Variants in ADAMTS17 observed in about 807,000 individuals in gnomAD.
ADAMTS17 encodes ADAM metallopeptidase with thrombospondin type 1 motif 17, also known as A disintegrin and metalloproteinase with thrombospondin motifs 17.
ADAMTS17 carries 113 observed loss-of-function variants against 141.5 expected under a neutral mutation model. The observed-to-expected ratio is 0.80, with a 90% CI of 0.69 to 0.93. ADAMTS17 has a LOEUF of 0.93. ADAMTS17 is among the 40% of genes least tolerant of loss of function. The pLI, the probability that ADAMTS17 is intolerant of heterozygous loss-of-function variation, is 0.00. For missense variants in ADAMTS17, 1,659 were observed against 1,517.9 expected (o/e 1.09, Z -1.54); for synonymous variants, 768 against 630.6 (o/e 1.22, Z -3.27).
At chr15:100,294,177 C>T (rs2044732857) in intron 3 of ADAMTS17, among the ~76,000 whole-genome samples, 2 of 152,216 alleles carry the variant, frequency 1.3e-5, no homozygotes, top group African/African-American at 2.4e-5. Flanking sequence ...ATCTGCATGG[C>T]ACTGTCATTA....
At chr15:100,035,903 T>C (rs2030658613) in intron 18 of ADAMTS17, among the ~76,000 whole-genome samples, 1 of 152,168 alleles carries the variant, frequency 6.6e-6, no homozygotes, top group South Asian at 2.1e-4. Context: ...AATACTGTTA[T>C]TCTCTGCATG....
rs113115890 is a variant in ADAMTS17 at position 100,153,246 on chromosome 15, A to G, written c.1323-484T>C. Among the ~76,000 whole-genome samples the G allele has an allele frequency of 7.9e-4, 120 of 152,236 alleles. 1 individual carries two copies. The highest frequency in any genetic ancestry group is 2.7e-3 in the African/African-American group (114 of 41,540). On this transcript the variant is annotated intron_variant, in intron 9 of 21. Coordinates refer to ENST00000268070, the MANE Select transcript of ADAMTS17 (RefSeq NM_139057.4). ...TTGTGGGACCTCGGTGTCTCACTTGACCACGCTATCCCTGAAAGCCACTGG... is the reference window on the plus strand; with the variant it reads ...TTGTGGGACCTCGGTGTCTCACTTGGCCACGCTATCCCTGAAAGCCACTGG...
Position 99,976,375 on chromosome 15 carries a change from C to A in ADAMTS17, c.2950-153G>T, listed in dbSNP as rs775400856. On this transcript the variant is annotated intron_variant, in intron 20 of 21. Transcript: ENST00000268070. ...ATGATGGCCTCACAATGTGGCACTG[C>A]GGAGACAGGACAGCCTGAGTGGGGC... 7 of 993,060 alleles carry A rather than the reference C, an allele frequency of 7.0e-6. No individual in the cohort carries two copies. The South Asian group carries it at 8.4e-5, about 12-fold the overall frequency. 61.5% of individuals were successfully genotyped at this position (993,060 alleles called of 1,614,324 possible).
Position 100,254,146 on chromosome 15 carries a change from A to T in ADAMTS17, c.1065T>A (p.Cys355Ter), listed in dbSNP as rs879873158. Reference sequence around the variant, plus strand: ...CAACTCTAAACTTACCAACAGTGTCACACGGTTCATCCTTGTGTACACAGA... The same window carrying T: ...CAACTCTAAACTTACCAACAGTGTCTCACGGTTCATCCTTGTGTACACAGA... ...TDFCVHKDEP[C>*]DTVGIAYLGG... Residue 355 changes from cysteine (C) to a stop codon, truncating the protein, a stop_gained, in exon 7 of 22, where the codon TGT becomes TGA. Coordinates refer to ENST00000268070, the MANE Select transcript of ADAMTS17 (RefSeq NM_139057.4). LOFTEE classifies it high-confidence loss of function. 1 of 1,613,392 alleles carries T rather than the reference A, an allele frequency of 6.2e-7. No homozygotes were observed. The highest frequency in any genetic ancestry group is 8.5e-7 in the Non-Finnish European group (1 of 1,179,426).
At chr15:100,093,097 T>C (rs760333851) in intron 15 of ADAMTS17, among the ~76,000 whole-genome samples, 2 of 152,172 alleles carry the variant, frequency 1.3e-5, no homozygotes, top group African/African-American at 2.4e-5. Flanking sequence ...CATAGATAAG[T>C]AGCTGAGGAC....
At chr15:100,051,395 G>C (rs543384799) in intron 17 of ADAMTS17, among the ~76,000 whole-genome samples, 177 bp downstream of exon 17, 3 of 152,206 alleles carry the variant, frequency 2.0e-5, no homozygotes, top group Non-Finnish European at 4.4e-5. Context: ...CCCTAGTGTG[G>C]GAGTTGGGAA....
intron 18 of ADAMTS17, among the ~76,000 whole-genome samples, chr15:100,034,057 G>A (rs2030459424): frequency 1.3e-5 from 2 of 152,252 alleles, no homozygotes; most frequent in African/African-American, 4.8e-5. Context: ...GAGGTTGGCT[G>A]TGTTTACTTT....
At chr15:100,337,306 A>T (rs1448483587) in intron 2 of ADAMTS17, among the ~76,000 whole-genome samples, 7 of 152,242 alleles carry the variant, frequency 4.6e-5, no homozygotes, top group African/African-American at 1.7e-4. Flanking sequence ...ATGACGTGCT[A>T]CCAACATGGA....
Position 100,171,327 on chromosome 15 carries a change from C to T in ADAMTS17, c.1182-16007G>A, listed in dbSNP as rs529736424. On this transcript the variant is annotated intron_variant, in intron 8 of 21. Transcript: ENST00000268070. ...CCAAATGCCATGAGGGGCTTTATGG[C>T]CTCATTATTTGGACGGCTGCCTTTC... Among the ~76,000 whole-genome samples, 54 of 152,310 alleles carry T rather than the reference C, an allele frequency of 3.5e-4. No individual in the cohort carries two copies. In the South Asian group the frequency reaches 4.1e-3, roughly 12 times the overall value.
intron 3 of ADAMTS17, among the ~76,000 whole-genome samples, chr15:100,328,382 C>T (rs11635255): frequency 0.24 from 37,036 of 152,136 alleles, 5,059 homozygotes; most frequent in South Asian, 0.43. Context: ...ATATTTCATG[C>T]AATGCAAGAA....
At chr15:100,273,709 T>C (rs1027018695) in intron 4 of ADAMTS17, among the ~76,000 whole-genome samples, 2 of 152,190 alleles carry the variant, frequency 1.3e-5, no homozygotes, top group Non-Finnish European at 2.9e-5. Context: ...AATCCAAAGC[T>C]AAATTCAAAG....
At chr15:100,337,824 G>A (rs964694178) in intron 2 of ADAMTS17, among the ~76,000 whole-genome samples, 4 of 152,200 alleles carry the variant, frequency 2.6e-5, no homozygotes, top group East Asian at 1.9e-4. Flanking sequence ...AGAGCCTGAC[G>A]CTCATGCTGT....
At chr15:100,305,492 G>T (rs2045192093) in intron 3 of ADAMTS17, among the ~76,000 whole-genome samples, 1 of 152,228 alleles carries the variant, frequency 6.6e-6, no homozygotes, top group Non-Finnish European at 1.5e-5. Context: ...GTGTGCACAA[G>T]GCCCCCTAGA....
At chr15:100,284,096 T>G (rs559432483) in intron 3 of ADAMTS17, among the ~76,000 whole-genome samples, 1 of 149,136 alleles carries the variant, frequency 6.7e-6, no homozygotes, top group Non-Finnish European at 1.5e-5. Flanking sequence ...CAGAGCAAGA[T>G]TCCATCTTAA....
intron 19 of ADAMTS17, among the ~76,000 whole-genome samples, chr15:99,994,347 G>A (rs913864710): frequency 1.3e-5 from 2 of 151,940 alleles, no homozygotes; most frequent in African/African-American, 2.4e-5. Flanking sequence ...GCCAAATGCA[G>A]TAGTTCACAC....
rs190241994 is a variant in ADAMTS17 at position 100,294,686 on chromosome 15, G to A, written c.617-13285C>T. On this transcript the variant is annotated intron_variant, in intron 3 of 21. Transcript: ENST00000268070. ...CGTGCCACTGCACTCCAGCATGGGC[G>A]ACAGAGCAAGACCCTACCTCAAAAT... Among the ~76,000 whole-genome samples the A allele has an allele frequency of 3.3e-3, 496 of 152,246 alleles. 4 individuals carry two copies. The highest frequency in any genetic ancestry group is 5.1e-3 in the Admixed American group (78 of 15,286).
rs148572016 is a variant in ADAMTS17 at position 100,224,243 on chromosome 15, C to T, written c.1076-24820G>A. ...GTGGGGATGTCCACACTGCCCACCG[C>T]CTTTGGAGTGTACTTGGCGATTACA... On this transcript the variant is annotated intron_variant, in intron 7 of 21. Coordinates refer to ENST00000268070, the MANE Select transcript of ADAMTS17 (RefSeq NM_139057.4). Among the ~76,000 whole-genome samples the T allele has an allele frequency of 2.6e-5, 4 of 152,178 alleles. No homozygotes were observed. In the East Asian group the frequency reaches 7.7e-4, roughly 29 times the overall value.
chr15:100,084,451 C>T (rs778511550), intron 15 of ADAMTS17, among the ~76,000 whole-genome samples: 1 of 152,244 alleles, frequency 6.6e-6, no homozygotes, highest in Non-Finnish European at 1.5e-5. Flanking sequence ...GGAGAAACCT[C>T]TGCAGACTTA....
At position 100,341,890 on chromosome 15, in the gene ADAMTS17, C is replaced by T. The variant is rs1428516675; in HGVS notation, c.10G>A (p.Gly4Ser). The T allele has an allele frequency of 1.3e-6, 2 of 1,550,652 alleles. No homozygotes were observed. The highest frequency in any genetic ancestry group is 1.4e-5 in the African/African-American group (1 of 72,782). Residue 4 changes from glycine to serine, a missense_variant, in exon 1 of 22, where the codon GGC becomes AGC. Gly to Ser is a moderately conservative substitution (Grantham distance 56). Transcript: ENST00000268070. Reference sequence around the variant, plus strand: ...AGGACGAGCGGAGGCAGCAGGGCGCCGTCACACATGGTACCCGGGACCGGC... The same window carrying T: ...AGGACGAGCGGAGGCAGCAGGGCGCTGTCACACATGGTACCCGGGACCGGC... MCD[G>S]ALLPPLVLPV...
Sources: gnomAD v4.1 joint callset for allele counts (sites outside exome capture counted in the v4.1 genomes callset) on GRCh38, gnomAD v4.1.1 for gene constraint, MANE v1.5 for transcripts, NCBI Gene and HGNC (gene_info 2026-07-23, HGNC 2026-07-21) for gene names.